GPC5: variants seen among roughly 807,000 people sequenced by gnomAD.
The protein encoded by GPC5 is glypican-5.
Under a neutral mutation model 53.9 loss-of-function variants are expected in GPC5, and 47 were observed. The ratio of observed to expected loss-of-function variants is 0.87; its 90% CI spans 0.69 to 1.11. The LOEUF is 1.11. Among genes scored for constraint, GPC5 ranks in the 50% most tolerant of loss-of-function variants. GPC5 has a pLI of 0.00. For synonymous variants in GPC5, 286 were observed against 263.3 expected (o/e 1.09, Z -0.84); for missense variants, 748 against 713.1 (o/e 1.05, Z -0.56).
chr13:91,646,192 G>A (rs2034553410), intron 2 of GPC5, among the ~76,000 whole-genome samples: 1 of 152,116 alleles, frequency 6.6e-6, no homozygotes. Flanking sequence ...GTTATTTGAA[G>A]CAAAGTACCC....
In GPC5 at chr13:92,444,078, C is replaced by T. The variant is rs185746092; in HGVS notation, c.1561+299089C>T. Among the ~76,000 whole-genome samples the T allele has an allele frequency of 1.8e-4, 28 of 152,138 alleles. No individual in the cohort carries two copies. The East Asian group carries it at 4.3e-3, about 23-fold the overall frequency. The stretch of plus-strand genomic sequence containing the variant: ...TAATAATGGAGTTTGGTCGACCTGC[C>T]GTGTGGTTCAAACTCTGTAGGAAAG... On this transcript the variant is annotated intron_variant, in intron 7 of 7. Coordinates refer to ENST00000377067, the MANE Select transcript of GPC5 (RefSeq NM_004466.6).
intron 7 of GPC5, among the ~76,000 whole-genome samples, chr13:92,278,183 CA>C (rs1009352786): frequency 3.1e-4 from 47 of 151,876 alleles, no homozygotes; most frequent in African/African-American, 1.0e-3. Flanking sequence ...TTTTGGTAAA[CA>C]AAGTGTGGTC....
chr13:91,520,581 C>A (rs1885749249), intron 2 of GPC5, among the ~76,000 whole-genome samples: 1 of 152,048 alleles, frequency 6.6e-6, no homozygotes, highest in Admixed American at 6.6e-5. Flanking sequence ...TGCAAGACTG[C>A]CTTTATAGAT....
At chr13:91,411,159 T>A (rs973657505) in intron 1 of GPC5, among the ~76,000 whole-genome samples, 1 of 152,166 alleles carries the variant, frequency 6.6e-6, no homozygotes, top group African/African-American at 2.4e-5. Context: ...AAAATAATGC[T>A]ATTTGAATTA....
intron 7 of GPC5, among the ~76,000 whole-genome samples, chr13:92,546,933 A>C (rs1294947973): frequency 6.6e-6 from 1 of 152,202 alleles, no homozygotes; most frequent in Admixed American, 6.5e-5. Flanking sequence ...TTCCCTATTT[A>C]ATAAATGGTG....
At chr13:91,477,652 G>C (rs1021346084) in intron 2 of GPC5, among the ~76,000 whole-genome samples, 5 of 152,168 alleles carry the variant, frequency 3.3e-5, no homozygotes, top group Non-Finnish European at 7.4e-5. Context: ...GAAAAGGGCT[G>C]CAGATGGATT....
intron 1 of GPC5, among the ~76,000 whole-genome samples, chr13:91,430,527 G>A (rs917839437): frequency 6.6e-6 from 1 of 152,164 alleles, no homozygotes; most frequent in Non-Finnish European, 1.5e-5. Context: ...TCTGAGTGGT[G>A]TGGACTGAAT....
At chr13:92,348,880 A>G (rs2043450673) in intron 7 of GPC5, among the ~76,000 whole-genome samples, 1 of 152,152 alleles carries the variant, frequency 6.6e-6, no homozygotes, top group Admixed American at 6.5e-5. Context: ...GACAAACAAA[A>G]GTGGAAACAC....
At chr13:91,442,727 C>T (rs531759034) in intron 1 of GPC5, among the ~76,000 whole-genome samples, 4 of 152,132 alleles carry the variant, frequency 2.6e-5, no homozygotes, top group Non-Finnish European at 5.9e-5. Flanking sequence ...TTCGGCAAGA[C>T]GTTAGTTGGT....
At chr13:92,076,361 G>A (rs1360086623) in intron 6 of GPC5, among the ~76,000 whole-genome samples, 1 of 152,056 alleles carries the variant, frequency 6.6e-6, no homozygotes, top group Non-Finnish European at 1.5e-5. Flanking sequence ...GTGAGCCACC[G>A]CGCCTGGCGA....
At chr13:92,663,535 G>A (rs1334113430) in intron 7 of GPC5, among the ~76,000 whole-genome samples, 1 of 147,760 alleles carries the variant, frequency 6.8e-6, no homozygotes, top group Non-Finnish European at 1.5e-5. Flanking sequence ...TCAGGAGTTC[G>A]AGACCAGCCT....
At chr13:92,003,868 A>G (rs1465309661) in intron 6 of GPC5, among the ~76,000 whole-genome samples, 1 of 152,204 alleles carries the variant, frequency 6.6e-6, no homozygotes, top group Non-Finnish European at 1.5e-5. Flanking sequence ...AAATGAGAGA[A>G]GATTAAAATC....
At chr13:91,751,919 C>T (rs1050694189) in intron 4 of GPC5, among the ~76,000 whole-genome samples, 4 of 152,140 alleles carry the variant, frequency 2.6e-5, no homozygotes, top group Admixed American at 2.6e-4. Context: ...TATGGGTTTG[C>T]TAGGGCTGTC....
At chr13:91,657,689 C>T (rs772563579) in intron 2 of GPC5, among the ~76,000 whole-genome samples, 2 of 152,044 alleles carry the variant, frequency 1.3e-5, no homozygotes, top group Non-Finnish European at 2.9e-5. Flanking sequence ...GAGGTACTCA[C>T]TAAACCTGAT....
At chr13:91,585,834 G>C (rs78559812) in intron 2 of GPC5, among the ~76,000 whole-genome samples, 1,648 of 152,056 alleles carry the variant, frequency 0.011, 33 homozygotes, top group African/African-American at 0.037. Flanking sequence ...TCATTTTACT[G>C]TTTAAGTCAT....
intron 3 of GPC5, among the ~76,000 whole-genome samples, chr13:91,712,874 AGATG>A: frequency 6.6e-6 from 1 of 151,826 alleles, no homozygotes. Context: ...TAAATGTAAG[AGATG>A]GATGAATACA....
chr13:92,274,428 C>T (rs1002553977), intron 7 of GPC5, among the ~76,000 whole-genome samples: 11 of 152,132 alleles, frequency 7.2e-5, no homozygotes, highest in African/African-American at 2.4e-4. Flanking sequence ...GGCATGCAAA[C>T]ATACCACCCT....
chr13:92,351,708 A>G (rs1275286513), intron 7 of GPC5, among the ~76,000 whole-genome samples: 2 of 152,172 alleles, frequency 1.3e-5, no homozygotes, highest in African/African-American at 4.8e-5. Context: ...GCATTTCTAT[A>G]CAAAGGCAGC....
intron 6 of GPC5, among the ~76,000 whole-genome samples, chr13:92,049,024 T>TGGAATTTAAG (rs2041006199): frequency 1.3e-5 from 2 of 152,136 alleles, no homozygotes; most frequent in Non-Finnish European, 2.9e-5. Flanking sequence ...GCATGTCAAA[T>TGGAATTTAAG]TAAAAAGGCC....
Sources: gnomAD v4.1 joint callset for allele counts (sites outside exome capture counted in the v4.1 genomes callset) on GRCh38, gnomAD v4.1.1 for gene constraint, MANE v1.5 for transcripts, NCBI Gene and HGNC (gene_info 2026-07-23, HGNC 2026-07-21) for gene names.